CD82: variants seen among roughly 807,000 people sequenced by gnomAD.
CD82 encodes the protein CD82 molecule, also known as CD82 antigen.
A neutral mutation model predicts 37.4 loss-of-function variants in CD82; 36 were observed. The observed-to-expected ratio is 0.96, with a 90% confidence interval of 0.74 to 1.27. The LOEUF is 1.27. Ranked by LOEUF, CD82 falls within the 50% of genes most tolerant of loss-of-function variation. CD82 has a pLI of 0.00. For synonymous variants in CD82, 158 were observed against 137.4 expected, an observed-to-expected ratio of 1.15 and a Z score of -1.05; for missense variants, 340 against 347.0, an observed-to-expected ratio of 0.98 and a Z score of 0.16.
At chr11:44,582,148 G>A (rs1043528937) in intron 1 of CD82, among the ~76,000 whole-genome samples, 3 of 151,180 alleles carry the variant, frequency 2.0e-5, no homozygotes, top group Non-Finnish European at 1.5e-5. Context: ...TGTGACCAGG[G>A]CCAGTGCCGC....
intron 1 of CD82, among the ~76,000 whole-genome samples, chr11:44,576,050 A>G (rs1218826941): frequency 6.6e-6 from 1 of 152,136 alleles, no homozygotes; most frequent in Non-Finnish European, 1.5e-5. Flanking sequence ...CCTCCACACC[A>G]TCTCTGCGCT....
chr11:44,587,981 C>T, intron 2 of CD82: 1 of 225,170 alleles, frequency 4.4e-6, no homozygotes, highest in Non-Finnish European at 9.2e-6. Context: ...TCCATCCCTG[C>T]ATCCACCCAG....
chr11:44,565,530 A>C (rs1362419794), upstream of CD82: 2 of 136,072 alleles, frequency 1.5e-5, no homozygotes, highest in African/African-American at 5.8e-5. Flanking sequence ...GCGGGAGCGC[A>C]CCGCCTTCCC....
chr11:44,572,990 A>G (rs2134618429), intron 1 of CD82: 1 of 152,396 alleles, frequency 6.6e-6, no homozygotes, highest in East Asian at 1.9e-4. Context: ...AACAGCCCAG[A>G]CAGAACTCTC....
chr11:44,592,978 C>A (rs1176288097), intron 2 of CD82, among the ~76,000 whole-genome samples: 2 of 152,202 alleles, frequency 1.3e-5, no homozygotes, highest in African/African-American at 4.8e-5. Context: ...TATTATACCT[C>A]CCAAATCTGC....
In CD82 at chr11:44,597,990, T is replaced by G. The variant is rs1301438713; in HGVS notation, c.64-2168T>G. 6.6e-6 allele frequency among the ~76,000 whole-genome samples: 1 copy of G among 152,252 alleles called. No homozygotes were observed. Among genetic ancestry groups the G allele is most frequent in the Non-Finnish European group, 1.5e-5 (1 of 68,046 alleles). ...CTTTTCTGTCCCGAGACTGGCTTTC[T>G]GGGTGAAGGCCCAGGATGGATCCAA... On this transcript the variant is annotated intron_variant, in intron 3 of 9. Transcript: ENST00000227155. The surrounding 1 kb of genome is among the most constrained non-coding windows in gnomAD (Gnocchi z 4.1).
At chr11:44,591,436 C>T (rs745475282) in intron 2 of CD82, among the ~76,000 whole-genome samples, 35 of 152,352 alleles carry the variant, frequency 2.3e-4, no homozygotes, top group Non-Finnish European at 3.4e-4. Flanking sequence ...AGCCCAGCCA[C>T]GTCTGCCTTG....
At chr11:44,604,117 T>C (rs1346588197) in intron 4 of CD82, among the ~76,000 whole-genome samples, 1 of 152,172 alleles carries the variant, frequency 6.6e-6, no homozygotes, top group Non-Finnish European at 1.5e-5. Flanking sequence ...TTAGCCAGCT[T>C]TGGTATCTTC....
At chr11:44,567,865 C>T (rs1191008043) in intron 1 of CD82, among the ~76,000 whole-genome samples, 2 of 152,132 alleles carry the variant, frequency 1.3e-5, no homozygotes, top group African/African-American at 2.4e-5. Flanking sequence ...GGGAAGATTT[C>T]GGCAGCCAGA....
chr11:44,569,308 C>G (rs1233987338), intron 1 of CD82, among the ~76,000 whole-genome samples: 1 of 152,162 alleles, frequency 6.6e-6, no homozygotes, highest in Non-Finnish European at 1.5e-5. Flanking sequence ...GCTGGTGTCT[C>G]TCGGAGGCTG....
Position 44,618,272 on chromosome 11 carries a change from C to T in CD82, c.549C>T (p.Asp183=). ...PCSCEVKGEE[D]NSLSVRKGFC... ...CCTGCGAAGTCAAGGGGGAAGAGGA[C>T]AACAGCCTTTCTGTGAGGAAGGGCT... The change falls in exon 8 of 10, where the codon GAC becomes GAT. Residue 183 remains aspartate (D), a synonymous_variant. Coordinates refer to ENST00000227155, the MANE Select transcript of CD82 (RefSeq NM_002231.4). The T allele has an allele frequency of 6.2e-7, 1 of 1,614,098 alleles. No individual in the cohort carries two copies. The highest frequency in any genetic ancestry group is 1.1e-5 in the South Asian group (1 of 91,082).
At chr11:44,569,322 G>A (rs1318540632) in intron 1 of CD82, among the ~76,000 whole-genome samples, 1 of 152,138 alleles carries the variant, frequency 6.6e-6, no homozygotes, top group Non-Finnish European at 1.5e-5. Context: ...GAGGCTGGCT[G>A]GTTCCTGACT....
At chr11:44,604,966 C>T (rs1590344621) in intron 4 of CD82, 92 bp from the exon 5 acceptor site, 1 of 1,586,908 alleles carries the variant, frequency 6.3e-7, no homozygotes, top group Non-Finnish European at 8.6e-7. Context: ...CACCCTGGCT[C>T]CAAAGAGGGG....
chr11:44,587,324 C>T (rs377580127), intron 1 of CD82, 151 bp from the exon 2 acceptor site: 1 of 417,768 alleles, frequency 2.4e-6, no homozygotes. Context: ...GCTACATGAG[C>T]CTGTGGGGGG....
At chr11:44,569,179 G>A (rs10769059) in intron 1 of CD82, among the ~76,000 whole-genome samples, 79,101 of 152,024 alleles carry the variant, frequency 0.52, 21,350 homozygotes, top group African/African-American at 0.6. Flanking sequence ...GGAGCTGGGA[G>A]GGGAAGCCCA....
intron 4 of CD82, chr11:44,604,557 G>A: frequency 5.8e-6 from 1 of 173,768 alleles, no homozygotes; most frequent in East Asian, 1.7e-4. Flanking sequence ...AGGAAGGCGG[G>A]TTAAAAATCA....
At position 44,605,126 on chromosome 11, in the gene CD82, A is replaced by C. The variant is rs562318494; in HGVS notation, c.205A>C (p.Met69Leu). The change falls in exon 5 of 10, where the codon ATG (methionine) becomes CTG (leucine). Residue 69 changes from methionine (M) to leucine (L), a missense_variant. Physicochemically the swap from Met to Leu is conservative, Grantham distance 15. Transcript: ENST00000227155. ...CGGCGTGGGGGCAGTCACTATGCTC[A>C]TGGGCTTCCTGGGCTGCATCGGCGC... ...FIGVGAVTML[M>L]GFLGCIGAVN... 5.6e-6 allele frequency: 9 copies of C among 1,614,178 alleles called. No individual in the cohort carries two copies. In the South Asian group the frequency reaches 7.7e-5, roughly 14 times the overall value.
At chr11:44,600,861 T>A (rs1205352664) in intron 4 of CD82, among the ~76,000 whole-genome samples, 1 of 152,232 alleles carries the variant, frequency 6.6e-6, no homozygotes, top group Non-Finnish European at 1.5e-5. Flanking sequence ...TTAAGTCCCT[T>A]GCTGAAGTTC....
intron 6 of CD82, chr11:44,607,891 A>G (rs1039710784): frequency 6.6e-6 from 1 of 152,254 alleles, no homozygotes; most frequent in Non-Finnish European, 1.5e-5. Context: ...CAGCCCCAGA[A>G]CAGGACTTGT....
Sources: gnomAD v4.1 joint callset for allele counts (sites outside exome capture counted in the v4.1 genomes callset) on GRCh38, gnomAD v4.1.1 for gene constraint, Gnocchi (gnomAD v3.1) non-coding constraint, MANE v1.5 for transcripts, NCBI Gene and HGNC (gene_info 2026-07-23, HGNC 2026-07-21) for gene names.